BSPRY: variants seen among roughly 807,000 people sequenced by gnomAD.
BSPRY encodes the protein B box and SPRY domain-containing protein.
Under a neutral mutation model 38.0 loss-of-function variants are expected in BSPRY, and 33 were observed. The observed-to-expected ratio is 0.87, with a 90% CI of 0.66 to 1.16. The LOEUF is 1.16. Ranked by LOEUF, BSPRY falls within the 50% of genes most tolerant of loss-of-function variation. The pLI, the probability that BSPRY is intolerant of heterozygous loss-of-function variation, is 0.00. For missense variants in BSPRY, 523 were observed against 533.2 expected, an observed-to-expected ratio of 0.98 and a Z score of 0.19; for synonymous variants, 224 against 228.5, an observed-to-expected ratio of 0.98 and a Z score of 0.18.
intron 4 of BSPRY, among the ~76,000 whole-genome samples, chr9:113,365,090 C>T (rs901118734): frequency 1.3e-5 from 2 of 152,014 alleles, no homozygotes; most frequent in Non-Finnish European, 2.9e-5. Flanking sequence ...GATCTGTCTT[C>T]AGTTCATCAT....
intron 3 of BSPRY, among the ~76,000 whole-genome samples, chr9:113,361,078 C>T (rs1347063058): frequency 6.6e-6 from 1 of 152,126 alleles, no homozygotes; most frequent in East Asian, 1.9e-4. Context: ...GTTCTGTCTG[C>T]AGCAAGAATC....
chr9:113,365,714 C>G (rs1023687841), intron 4 of BSPRY, among the ~76,000 whole-genome samples: 7 of 140,300 alleles, frequency 5.0e-5, no homozygotes, highest in South Asian at 2.4e-4. Flanking sequence ...GCAGATGGAA[C>G]TAGGAAGGGA....
At chr9:113,359,754 G>A (rs189180667) in intron 2 of BSPRY, among the ~76,000 whole-genome samples, 13 of 152,214 alleles carry the variant, frequency 8.5e-5, no homozygotes, top group African/African-American at 3.1e-4. Flanking sequence ...AAATTTCCTG[G>A]GTGGGCACAG....
At chr9:113,362,302 C>G in intron 3 of BSPRY, 67 bp from the exon 4 acceptor site, 1 of 1,572,990 alleles carries the variant, frequency 6.4e-7, no homozygotes, top group Non-Finnish European at 8.7e-7. Context: ...GTAGTTAAAT[C>G]TGTCTTAGCA....
At chr9:113,366,816 T>C (rs1465879341) in intron 4 of BSPRY, among the ~76,000 whole-genome samples, 1 of 152,216 alleles carries the variant, frequency 6.6e-6, no homozygotes, top group Admixed American at 6.5e-5. Flanking sequence ...CTGTTCACCT[T>C]ATACCTCCCA....
intron 3 of BSPRY, among the ~76,000 whole-genome samples, chr9:113,361,163 C>T (rs1177783831): frequency 1.3e-5 from 2 of 152,134 alleles, no homozygotes. Context: ...CACTAACCCC[C>T]AACCCTGCTC....
chr9:113,350,760 A>C (rs1361827952), intron 1 of BSPRY, among the ~76,000 whole-genome samples: 1 of 152,106 alleles, frequency 6.6e-6, no homozygotes, highest in African/African-American at 2.4e-5. Context: ...TTTCAGCAAC[A>C]CCCAAAAGCT....
intron 4 of BSPRY, among the ~76,000 whole-genome samples, chr9:113,363,914 C>T (rs911322678): frequency 6.2e-5 from 8 of 128,892 alleles, no homozygotes; most frequent in South Asian, 5.2e-4. Flanking sequence ...AAAAGCTGGG[C>T]GTGATGACTC....
chr9:113,369,466 G>T, intron 5 of BSPRY, 150 bp from the exon 6 acceptor site: 1 of 755,798 alleles, frequency 1.3e-6, no homozygotes, highest in Non-Finnish European at 2.2e-6. Context: ...GTCCTATTTT[G>T]ACCCCCGTTT....
At chr9:113,354,151 GAC>G in intron 1 of BSPRY, 87 bp from the exon 2 acceptor site, 1 of 1,050,518 alleles carries the variant, frequency 9.5e-7, no homozygotes. Context: ...GTGGGTGGCT[GAC>G]ATGTGGTAAC....
intron 1 of BSPRY, among the ~76,000 whole-genome samples, chr9:113,351,078 A>G (rs1384306312): frequency 6.6e-6 from 1 of 152,052 alleles, no homozygotes; most frequent in Non-Finnish European, 1.5e-5. Flanking sequence ...GGTTGGAGGG[A>G]GGAAGTGATG....
intron 4 of BSPRY, 73 bp downstream of exon 4, chr9:113,362,467 A>G: frequency 6.7e-7 from 1 of 1,490,744 alleles, no homozygotes; most frequent in Non-Finnish European, 9.4e-7. Context: ...CACTGCCTTC[A>G]GCCCTGCTGC....
At chr9:113,355,957 C>T (rs1392067142) in intron 2 of BSPRY, among the ~76,000 whole-genome samples, 2 of 152,154 alleles carry the variant, frequency 1.3e-5, no homozygotes, top group African/African-American at 4.8e-5. Flanking sequence ...CAATATTTCA[C>T]CAGTTATTTA....
intron 2 of BSPRY, among the ~76,000 whole-genome samples, chr9:113,359,868 C>G (rs1433218153): frequency 6.7e-6 from 1 of 148,326 alleles, no homozygotes; most frequent in African/African-American, 2.6e-5. Flanking sequence ...AACTCCATCT[C>G]TATTAAAAAA....
chr9:113,370,051 G>A lies in BSPRY; in HGVS notation c.1118G>A (p.Gly373Asp). 1.2e-6 allele frequency: 2 copies of A among 1,614,114 alleles called. No homozygotes were observed. Among genetic ancestry groups the A allele is most frequent in the Non-Finnish European group, 1.7e-6 (2 of 1,180,028 alleles). ...QELLFYEPASGTVLCAHHVSF... is the reference protein window; with the variant it reads ...QELLFYEPASDTVLCAHHVSF... Reference sequence around the variant, plus strand: ...CTGCTCTTCTATGAGCCAGCCTCCGGCACAGTGCTCTGTGCCCATCATGTG... The same window carrying A: ...CTGCTCTTCTATGAGCCAGCCTCCGACACAGTGCTCTGTGCCCATCATGTG... Residue 373 changes from glycine (G) to aspartate (D), a missense_variant, in exon 6 of 6, where the codon GGC becomes GAC. Gly to Asp is a moderately conservative substitution (Grantham distance 94). Transcript: ENST00000374183. This position sits in a 1 kb window ranked among gnomAD's most constrained non-coding sequence, Gnocchi z 4.8.
At chr9:113,364,622 T>C (rs1328729478) in intron 4 of BSPRY, among the ~76,000 whole-genome samples, 1 of 152,164 alleles carries the variant, frequency 6.6e-6, no homozygotes, top group East Asian at 1.9e-4. Flanking sequence ...TTTTGCCACA[T>C]TCATTGTCGC....
At position 113,369,867 on chromosome 9, in the gene BSPRY, T is replaced by C. The variant is rs1346269227; in HGVS notation, c.934T>C (p.Ser312Pro). Residue 312 changes from serine (S) to proline (P), a missense_variant, in exon 6 of 6, where the codon TCT becomes CCT. By Grantham distance (74) the Ser-to-Pro change is moderately conservative. Coordinates refer to ENST00000374183, the MANE Select transcript of BSPRY (RefSeq NM_017688.3). ...TTCAGGCCACCTGCCCCGCAAGGGT[T>C]CTGGCAGTGACTGCCGTCTGGGCCA... ...VASGHLPRKGSGSDCRLGHNA... is the reference protein window; with the variant it reads ...VASGHLPRKGPGSDCRLGHNA... 3 of 1,614,144 alleles carry C rather than the reference T, an allele frequency of 1.9e-6. No individual in the cohort carries two copies. Among genetic ancestry groups the C allele is most frequent in the Non-Finnish European group, 2.5e-6 (3 of 1,180,046 alleles).
At chr9:113,361,045 C>G (rs1055962953) in intron 3 of BSPRY, among the ~76,000 whole-genome samples, 1 of 152,152 alleles carries the variant, frequency 6.6e-6, no homozygotes, top group East Asian at 1.9e-4. Context: ...ACCACCATCC[C>G]CTAGGTGATG....
intron 2 of BSPRY, 34 bp downstream of exon 2, chr9:113,354,372 C>A: frequency 1.9e-6 from 3 of 1,578,488 alleles, no homozygotes; most frequent in Non-Finnish European, 2.6e-6. Flanking sequence ...ACTCAGCCCC[C>A]TCCCAGGATA....
Sources: gnomAD v4.1 joint callset for allele counts (sites outside exome capture counted in the v4.1 genomes callset) on GRCh38, gnomAD v4.1.1 for gene constraint, Gnocchi (gnomAD v3.1) non-coding constraint, MANE v1.5 for transcripts, NCBI Gene and HGNC (gene_info 2026-07-23, HGNC 2026-07-21) for gene names.